Variants in GRIA4 observed in about 807,000 individuals in gnomAD.
The protein encoded by GRIA4 is glutamate ionotropic receptor AMPA type subunit 4.
A neutral mutation model predicts 104.0 loss-of-function variants in GRIA4; 34 were observed. The ratio of observed to expected loss-of-function variants is 0.33; its 90% CI spans 0.25 to 0.44. The LOEUF (loss-of-function observed/expected upper bound fraction) is 0.44, where lower values mean the gene tolerates loss of function less well. Among genes scored for constraint, GRIA4 ranks in the 20% least tolerant of loss-of-function variants. The probability of loss-of-function intolerance (pLI) is 1.00; values close to 1 mark genes in which losing one functional copy is unlikely to be tolerated. For synonymous variants in GRIA4, 386 were observed against 381.9 expected (o/e 1.01, Z -0.13); for missense variants, 750 against 1,096.5 (o/e 0.68, Z 4.46).
intron 6 of GRIA4, among the ~76,000 whole-genome samples, chr11:105,895,828 G>A (rs1002157923): frequency 1.2e-4 from 19 of 152,108 alleles, no homozygotes; most frequent in Non-Finnish European, 1.9e-4. Flanking sequence ...ACCATTTCTC[G>A]GGGCACTTAG....
chr11:105,655,218 C>T lies in GRIA4; in HGVS notation c.247+42784C>T, dbSNP rs147599637. ...TATACACATGATTATTAGTGTGATT[C>T]GAATATAACAAAGTTCTTTGTTTCA... is the stretch of plus-strand genomic sequence containing the variant. On this transcript the variant is annotated intron_variant, in intron 3 of 16. Coordinates refer to ENST00000282499, the MANE Select transcript of GRIA4 (RefSeq NM_000829.4). 5.4e-4 allele frequency among the ~76,000 whole-genome samples: 82 copies of T among 152,108 alleles called. 1 individual carries two copies. The East Asian group carries it at 0.013, about 24-fold the overall frequency.
At chr11:105,705,623 G>A (rs936691690) in intron 3 of GRIA4, among the ~76,000 whole-genome samples, 1 of 152,112 alleles carries the variant, frequency 6.6e-6, no homozygotes. Context: ...GAGAGAGAGA[G>A]AGAGCTTACT....
chr11:105,774,017 A>T lies in GRIA4; in HGVS notation c.487+20797A>T, dbSNP rs1344498339. Among the ~76,000 whole-genome samples, 6 of 151,696 alleles carry T rather than the reference A, an allele frequency of 4.0e-5. No homozygotes were observed. In the East Asian group the frequency reaches 9.7e-4, roughly 24 times the overall value. On this transcript the variant is annotated intron_variant, in intron 4 of 16. Transcript: ENST00000282499. ...ATTAATTATGCTACAAAGAGAATAA[A>T]TTTTTTTGTATATGTTTTATGGAAC...
chr11:105,857,287 C>A (rs1328520925), intron 4 of GRIA4, among the ~76,000 whole-genome samples: 1 of 152,144 alleles, frequency 6.6e-6, no homozygotes, highest in Non-Finnish European at 1.5e-5. Context: ...GTTAGACACA[C>A]ACAGACACAC....
rs144309351 is a variant in GRIA4 at position 105,687,727 on chromosome 11, C to T, written c.248-65254C>T. Reference sequence around the variant, plus strand: ...CAGGTGAGAGATACCAGTGCAGATGCGGGGCTCTTAGTATTGAGAGAGCTC... The same window carrying T: ...CAGGTGAGAGATACCAGTGCAGATGTGGGGCTCTTAGTATTGAGAGAGCTC... On this transcript the variant is annotated intron_variant, in intron 3 of 16. Transcript: ENST00000282499. Among the ~76,000 whole-genome samples, 765 of 152,256 alleles carry T rather than the reference C, an allele frequency of 5.0e-3. 16 individuals are homozygous for T. Among genetic ancestry groups the T allele is most frequent in the African/African-American group, 0.017 (712 of 41,560 alleles).
intron 14 of GRIA4, among the ~76,000 whole-genome samples, chr11:105,946,500 T>C (rs540808481): frequency 6.6e-6 from 1 of 152,168 alleles, no homozygotes; most frequent in Admixed American, 6.5e-5. Flanking sequence ...GTGGGAGGAT[T>C]GCTCGAGCCT....
chr11:105,670,217 C>A (rs1200290679), intron 3 of GRIA4, among the ~76,000 whole-genome samples: 1 of 152,058 alleles, frequency 6.6e-6, no homozygotes, highest in African/African-American at 2.4e-5. Context: ...TCAAGGAGAG[C>A]ATATACAGTA....
At chr11:105,948,965 T>C (rs1948399001) in intron 14 of GRIA4, among the ~76,000 whole-genome samples, 1 of 152,166 alleles carries the variant, frequency 6.6e-6, no homozygotes, top group Non-Finnish European at 1.5e-5. Context: ...AAATCCATTA[T>C]GGAGGATTTT....
chr11:105,931,701 T>C (rs1485682500), intron 13 of GRIA4, among the ~76,000 whole-genome samples: 18 of 152,042 alleles, frequency 1.2e-4, no homozygotes, highest in Non-Finnish European at 2.9e-5. Context: ...CAAGACTCCA[T>C]CTGCCCCCTC....
intron 4 of GRIA4, among the ~76,000 whole-genome samples, chr11:105,810,333 C>CT (rs1943122707): frequency 6.6e-6 from 1 of 152,174 alleles, no homozygotes; most frequent in Non-Finnish European, 1.5e-5. Context: ...TCCCCTCTTT[C>CT]TTTTTTCTCA....
At chr11:105,844,000 T>C (rs900468198) in intron 4 of GRIA4, among the ~76,000 whole-genome samples, 1 of 152,044 alleles carries the variant, frequency 6.6e-6, no homozygotes, top group South Asian at 2.1e-4. Flanking sequence ...TTCTAAGACA[T>C]AGCCTGGTAA....
chr11:105,728,663 C>T (rs1365809344), intron 3 of GRIA4, among the ~76,000 whole-genome samples: 2 of 152,182 alleles, frequency 1.3e-5, no homozygotes, highest in African/African-American at 2.4e-5. Context: ...TCTCAGACTG[C>T]AGTGCAATCA....
intron 4 of GRIA4, among the ~76,000 whole-genome samples, chr11:105,795,778 A>G (rs1377235026): frequency 1.3e-5 from 2 of 152,168 alleles, no homozygotes; most frequent in Non-Finnish European, 2.9e-5. Context: ...GTGCTAGAAC[A>G]TCGATGCTTA....
chr11:105,963,268 G>C (rs1389432242), intron 14 of GRIA4, among the ~76,000 whole-genome samples: 1 of 152,098 alleles, frequency 6.6e-6, no homozygotes, highest in Non-Finnish European at 1.5e-5. Context: ...CTAATAACAT[G>C]TAGAAGTGAT....
intron 3 of GRIA4, among the ~76,000 whole-genome samples, chr11:105,700,208 T>C (rs542479113): frequency 3.3e-5 from 5 of 152,324 alleles, no homozygotes; most frequent in Admixed American, 1.3e-4. Flanking sequence ...TTGATAACCA[T>C]TGACTTGATG....
At chr11:105,665,204 G>C (rs959266482) in intron 3 of GRIA4, among the ~76,000 whole-genome samples, 4 of 151,898 alleles carry the variant, frequency 2.6e-5, no homozygotes, top group African/African-American at 7.3e-5. Context: ...CATTTTATGA[G>C]AGTCAAATTA....
At chr11:105,683,948 C>T (rs914306165) in intron 3 of GRIA4, among the ~76,000 whole-genome samples, 2 of 152,140 alleles carry the variant, frequency 1.3e-5, no homozygotes, top group African/African-American at 4.8e-5. Context: ...CATCTCGGCT[C>T]ACTGCAAACT....
chr11:105,638,164 C>T (rs548184050), intron 3 of GRIA4, among the ~76,000 whole-genome samples: 1 of 152,174 alleles, frequency 6.6e-6, no homozygotes, highest in East Asian at 1.9e-4. Flanking sequence ...TTATGAAAAA[C>T]TTCCCCCAAA....
intron 3 of GRIA4, among the ~76,000 whole-genome samples, chr11:105,683,486 T>C (rs1246285886): frequency 1.3e-5 from 2 of 152,128 alleles, no homozygotes; most frequent in African/African-American, 2.4e-5. Flanking sequence ...CTTTTTTCAG[T>C]GTAAAAACAA....
Sources: gnomAD v4.1 joint callset for allele counts (sites outside exome capture counted in the v4.1 genomes callset) on GRCh38, gnomAD v4.1.1 for gene constraint, MANE v1.5 for transcripts, NCBI Gene and HGNC (gene_info 2026-07-23, HGNC 2026-07-21) for gene names.